The following TPTE2 variants were observed in gnomAD, a reference collection of about 807,000 sequenced individuals.
TPTE2 encodes the protein transmembrane phosphoinositide 3-phosphatase and tensin homolog 2, also known as phosphatidylinositol 3,4,5-trisphosphate 3-phosphatase TPTE2.
In TPTE2, 53 loss-of-function variants were observed where a neutral mutation model predicts 78.6. The ratio of observed to expected loss-of-function variants is 0.67; its 90% CI spans 0.54 to 0.85. The LOEUF (loss-of-function observed/expected upper bound fraction) is 0.85, where lower values mean the gene tolerates loss of function less well. TPTE2 is among the 40% of genes least tolerant of loss of function. The probability of loss-of-function intolerance (pLI) is 0.00; values close to 1 mark genes in which losing one functional copy is unlikely to be tolerated. For missense variants in TPTE2, 461 were observed against 623.0 expected, an observed-to-expected ratio of 0.74 and a Z score of 2.77; for synonymous variants, 175 against 206.2, an observed-to-expected ratio of 0.85 and a Z score of 1.30.
upstream of TPTE2, among the ~76,000 whole-genome samples, chr13:19,506,366 G>T (rs1221840761): frequency 1.3e-5 from 2 of 150,474 alleles, no homozygotes; most frequent in Non-Finnish European, 3.0e-5. Context: ...GTAGAGACGG[G>T]GTTTCACCGT....
chr13:19,452,972 T>TTTTA (rs1263238251), intron 10 of TPTE2, among the ~76,000 whole-genome samples: 2 of 69,586 alleles, frequency 2.9e-5, no homozygotes, highest in African/African-American at 7.1e-5. Flanking sequence ...TTTTATTTTA[T>TTTTA]TTTATTTTAT....
At chr13:19,472,445 G>C (rs190260863) in intron 6 of TPTE2, among the ~76,000 whole-genome samples, 1 of 152,148 alleles carries the variant, frequency 6.6e-6, no homozygotes, top group Non-Finnish European at 1.5e-5. Context: ...GCTATTAAAA[G>C]ACTCTAATGC....
At chr13:19,447,575 T>C (rs955852888) in intron 13 of TPTE2, among the ~76,000 whole-genome samples, 5 of 152,148 alleles carry the variant, frequency 3.3e-5, no homozygotes, top group Non-Finnish European at 5.9e-5. Context: ...ACAGAACCTG[T>C]ATATTAACTA....
chr13:19,529,076 CCA>C (rs1263499483), intron 1 of TPTE2, among the ~76,000 whole-genome samples: 2 of 152,146 alleles, frequency 1.3e-5, no homozygotes, highest in African/African-American at 2.4e-5. Context: ...CAAGATCGTG[CCA>C]CTGTACTCCA....
chr13:19,524,087 T>C (rs984218733), intron 1 of TPTE2, among the ~76,000 whole-genome samples: 1 of 152,216 alleles, frequency 6.6e-6, no homozygotes, highest in East Asian at 1.9e-4. Context: ...TGTTCAGCAA[T>C]GCTGGGGATC....
At chr13:19,504,530 C>T (rs1224869314), upstream of TPTE2, among the ~76,000 whole-genome samples, 1 of 152,114 alleles carries the variant, frequency 6.6e-6, no homozygotes, top group Non-Finnish European at 1.5e-5. Context: ...TCCCTGTCCA[C>T]TGCTACTCGC....
At chr13:19,505,747 C>G (rs1157064876), upstream of TPTE2, 1 of 151,992 alleles carries the variant, frequency 6.6e-6, no homozygotes, top group African/African-American at 2.4e-5. Context: ...TCCCTGTTAC[C>G]TGTTACCTCC....
intron 10 of TPTE2, among the ~76,000 whole-genome samples, chr13:19,457,393 A>G (rs1878602279): frequency 6.6e-6 from 1 of 152,232 alleles, no homozygotes; most frequent in Non-Finnish European, 1.5e-5. Context: ...GTTCAGTGGT[A>G]CATGTGGAGG....
intron 1 of TPTE2, among the ~76,000 whole-genome samples, chr13:19,498,712 C>G (rs887047508): frequency 2.0e-5 from 3 of 151,834 alleles, no homozygotes; most frequent in Non-Finnish European, 1.5e-5. Flanking sequence ...ACGTAAAGAC[C>G]ATCGAGACTA....
At chr13:19,457,351 A>AT (rs529145000) in intron 10 of TPTE2, among the ~76,000 whole-genome samples, 4 of 152,236 alleles carry the variant, frequency 2.6e-5, no homozygotes, top group Non-Finnish European at 4.4e-5. Flanking sequence ...GCATATGTAT[A>AT]TACAGATAAT....
chr13:19,447,840 C>G (rs1341479449), intron 13 of TPTE2, among the ~76,000 whole-genome samples: 2 of 152,102 alleles, frequency 1.3e-5, no homozygotes, highest in Non-Finnish European at 2.9e-5. Flanking sequence ...CATTTTAACC[C>G]CACCAATGTC....
chr13:19,423,580 C>A (rs1161033842), intron 19 of TPTE2, among the ~76,000 whole-genome samples: 1 of 152,004 alleles, frequency 6.6e-6, no homozygotes, highest in South Asian at 2.1e-4. Flanking sequence ...GAGCAGTAGG[C>A]TATAACTCCC....
intron 1 of TPTE2, among the ~76,000 whole-genome samples, chr13:19,518,421 C>T (rs926121506): frequency 1.3e-5 from 2 of 151,992 alleles, no homozygotes; most frequent in African/African-American, 4.8e-5. Context: ...AAGAAAACAA[C>T]CCAACTTTTA....
At chr13:19,438,107 T>C (rs1877236195) in exon 14 of TPTE2, 2 of 1,607,518 alleles carry the variant, frequency 1.2e-6, no homozygotes, top group African/African-American at 1.3e-5. Flanking sequence ...CAGTTAAAAA[T>C]ATTTCGGAGG....
chr13:19,433,538 A>G (rs564233940), intron 15 of TPTE2, among the ~76,000 whole-genome samples: 1 of 152,214 alleles, frequency 6.6e-6, no homozygotes, highest in African/African-American at 2.4e-5. Context: ...AGCAAAACTC[A>G]TAAGTTCACA....
At chr13:19,500,570 T>C (rs939438801) in intron 1 of TPTE2, among the ~76,000 whole-genome samples, 2 of 152,164 alleles carry the variant, frequency 1.3e-5, no homozygotes, top group African/African-American at 4.8e-5. Context: ...TCTCAATAGA[T>C]GCAGAAAAAG....
intron 1 of TPTE2, among the ~76,000 whole-genome samples, chr13:19,512,900 C>A (rs1473783638): frequency 6.6e-6 from 1 of 152,132 alleles, no homozygotes; most frequent in Non-Finnish European, 1.5e-5. Context: ...GACAAACACA[C>A]CAGCATTTCC....
At chr13:19,521,614 C>T (rs1392407148) in intron 1 of TPTE2, among the ~76,000 whole-genome samples, 4 of 151,682 alleles carry the variant, frequency 2.6e-5, no homozygotes, top group Non-Finnish European at 2.9e-5. Flanking sequence ...TTATACTGTA[C>T]AATTTTTATT....
intron 10 of TPTE2, among the ~76,000 whole-genome samples, chr13:19,460,796 T>C (rs532993571): frequency 6.6e-6 from 1 of 152,298 alleles, no homozygotes; most frequent in East Asian, 1.9e-4. Context: ...TAATTTATAT[T>C]AAATTAAACA....
Sources: allele counts gnomAD v4.1 joint callset (sites outside exome capture counted in the v4.1 genomes callset), GRCh38; gene constraint gnomAD v4.1.1; transcripts MANE v1.5; gene names NCBI Gene and HGNC (gene_info 2026-07-23, HGNC 2026-07-21).